Variants in ANAPC1 observed in about 807,000 individuals in gnomAD.
ANAPC1 encodes the protein anaphase promoting complex subunit 1.
In ANAPC1, 36 loss-of-function variants were observed where a neutral mutation model predicts 208.0. The ratio of observed to expected loss-of-function variants is 0.17; its 90% confidence interval spans 0.13 to 0.23. ANAPC1 has a LOEUF of 0.23. ANAPC1 is among the 10% of genes least tolerant of loss of function. The pLI is 1.00. For synonymous variants in ANAPC1, 378 were observed against 695.2 expected (o/e 0.54, Z 7.18); for missense variants, 942 against 2,011.6 (o/e 0.47, Z 10.17).
intron 4 of ANAPC1, 23 bp from the exon 5 acceptor site, chr2:111,873,431 G>C (rs776994784): frequency 6.3e-7 from 1 of 1,598,938 alleles, no homozygotes; most frequent in Admixed American, 1.8e-5. Flanking sequence ...GGTACAACAA[G>C]ACTTATGTGT....
At chr2:111,788,188 G>C in intron 39 of ANAPC1, 46 bp downstream of exon 39, 5 of 1,596,334 alleles carry the variant, frequency 3.1e-6, no homozygotes, top group Admixed American at 1.7e-5. Context: ...GATCCCCTTA[G>C]AGAACTTAAT....
chr2:111,881,664 A>C (rs1473994244), intron 1 of ANAPC1, among the ~76,000 whole-genome samples: 4 of 152,246 alleles, frequency 2.6e-5, no homozygotes, highest in Non-Finnish European at 5.9e-5. Flanking sequence ...ACAGATAAGC[A>C]TAATTAGATT....
At chr2:111,844,617 T>C (rs1680953496) in intron 16 of ANAPC1, among the ~76,000 whole-genome samples, 4 of 151,400 alleles carry the variant, frequency 2.6e-5, no homozygotes, top group Admixed American at 6.6e-5. Flanking sequence ...CTTCTATGTT[T>C]ATACATTTAT....
intron 6 of ANAPC1, among the ~76,000 whole-genome samples, 198 bp from the exon 7 acceptor site, chr2:111,868,294 G>A (rs1262575239): frequency 1.3e-5 from 2 of 152,132 alleles, no homozygotes; most frequent in Non-Finnish European, 2.9e-5. Context: ...TCCCCTTAGA[G>A]TAATTCTATC....
At chr2:111,825,951 A>T (rs1573402513) in intron 21 of ANAPC1, 96 bp from the exon 22 acceptor site, 2 of 1,173,374 alleles carry the variant, frequency 1.7e-6, no homozygotes, top group South Asian at 3.2e-5. Context: ...ATCACAGCTC[A>T]CTGCAGCCTC....
chr2:111,772,743 C>G, intron 46 of ANAPC1, among the ~76,000 whole-genome samples: 1 of 152,144 alleles, frequency 6.6e-6, no homozygotes, highest in East Asian at 1.9e-4. Flanking sequence ...TATAAAGGTG[C>G]AGTGGTCACT....
At chr2:111,880,963 T>G (rs1352439147) in intron 1 of ANAPC1, 114 bp from the exon 2 acceptor site, 2 of 957,456 alleles carry the variant, frequency 2.1e-6, no homozygotes, top group South Asian at 1.7e-5. Context: ...TATATCAGAC[T>G]GGTAAGTATA....
At position 111,864,821 on chromosome 2, in the gene ANAPC1, C is replaced by A. The variant is rs1434543989; in HGVS notation, c.816G>T (p.Arg272=). ...TTCTCCTTACCTCTGATTTGACTCTCCGGAGAGTCCACACAGAATGCACAT... is the reference window on the plus strand; with the variant it reads ...TTCTCCTTACCTCTGATTTGACTCTACGGAGAGTCCACACAGAATGCACAT... ...VQNVHSVWTL[R]RVKSEEENVV... Residue 272 remains arginine (R), a synonymous_variant, in exon 8 of 48, where the codon CGG becomes CGT. Transcript: ENST00000341068. 6.2e-7 allele frequency: 1 copy of A among 1,611,208 alleles called. No individual in the cohort carries two copies. Among genetic ancestry groups the A allele is most frequent in the Non-Finnish European group, 8.5e-7 (1 of 1,179,632 alleles).
chr2:111,798,751 C>T (rs1678285029), intron 34 of ANAPC1, among the ~76,000 whole-genome samples: 1 of 152,150 alleles, frequency 6.6e-6, no homozygotes, highest in Non-Finnish European at 1.5e-5. Flanking sequence ...AGAAATCTGA[C>T]AGGCCAGGCG....
At position 111,772,395 on chromosome 2, in the gene ANAPC1, G is replaced by C. The variant is rs1332002633; in HGVS notation, c.5665C>G (p.Leu1889Val). The C allele has an allele frequency of 6.2e-7, 1 of 1,607,844 alleles. No homozygotes were observed. The change falls in exon 47 of 48, where the codon CTC (leucine) becomes GTC (valine). Residue 1889 changes from leucine (L) to valine (V), a missense_variant. Coordinates refer to ENST00000341068, the MANE Select transcript of ANAPC1 (RefSeq NM_022662.4). ...GGAGCTGGCACAGAGTGGTAGACGA[G>C]GAAGCAGGCCAGCATGCTCAGCTGT... The part of the protein sequence containing the change: ...ESQLSMLACF[L>V]VYHSVPAPQH...
intron 46 of ANAPC1, among the ~76,000 whole-genome samples, chr2:111,776,226 T>C (rs1676999724): frequency 1.3e-5 from 2 of 151,892 alleles, no homozygotes; most frequent in Admixed American, 6.6e-5. Context: ...TCAAGGAGTC[T>C]ACTCCTGAAA....
chr2:111,785,531 T>G, intron 39 of ANAPC1, 54 bp from the exon 40 acceptor site: 2 of 1,151,336 alleles, frequency 1.7e-6, no homozygotes, highest in Non-Finnish European at 2.6e-6. Context: ...CAATATGAGC[T>G]CTGCAATCTG....
chr2:111,852,954 C>T (rs1239989018), intron 13 of ANAPC1, among the ~76,000 whole-genome samples: 1 of 151,752 alleles, frequency 6.6e-6, no homozygotes, highest in Non-Finnish European at 1.5e-5. Flanking sequence ...CACCACTGCA[C>T]TCCAGCCTGA....
intron 6 of ANAPC1, among the ~76,000 whole-genome samples, chr2:111,869,304 T>C (rs1397294147): frequency 6.6e-6 from 1 of 152,034 alleles, no homozygotes; most frequent in Non-Finnish European, 1.5e-5. Flanking sequence ...AGTGCAGTGA[T>C]GTGATCTCGG....
At position 111,863,656 on chromosome 2, in the gene ANAPC1, A is replaced by T. The variant is rs1283474533; in HGVS notation, c.1052+19T>A. Reference sequence around the variant, plus strand: ...ACAAAACAGAAAGCTTAGAAAGAAAAACCAGGAAACCCTTATACCTTAGAG... The same window carrying T: ...ACAAAACAGAAAGCTTAGAAAGAAATACCAGGAAACCCTTATACCTTAGAG... On this transcript the variant is annotated intron_variant, in intron 9 of 47. Transcript: ENST00000341068. The T allele has an allele frequency of 6.3e-7, 1 of 1,599,404 alleles. No individual in the cohort carries two copies. The highest frequency in any genetic ancestry group is 8.5e-7 in the Non-Finnish European group (1 of 1,173,264).
At chr2:111,783,341 C>T (rs1677382959) in intron 42 of ANAPC1, among the ~76,000 whole-genome samples, 1 of 152,112 alleles carries the variant, frequency 6.6e-6, no homozygotes, top group Admixed American at 6.5e-5. Flanking sequence ...GGCAGATTTC[C>T]CTCATGCTGT....
Position 111,792,469 on chromosome 2 carries a change from A to C in ANAPC1, c.4605T>G (p.Val1535=). 1.2e-6 allele frequency: 2 copies of C among 1,613,724 alleles called. No homozygotes were observed. Among genetic ancestry groups the C allele is most frequent in the South Asian group, 2.2e-5 (2 of 91,036 alleles). The part of the protein sequence containing the change: ...MVMAGSGNLK[V]LQLCRFLHMK... Reference sequence around the variant, plus strand: ...TGTGTAAGAAGCGACAAAGCTGCAAAACCTTTAGGTTTCCTGAGCCAGCCA... The same window carrying C: ...TGTGTAAGAAGCGACAAAGCTGCAACACCTTTAGGTTTCCTGAGCCAGCCA... Residue 1535 remains valine, a synonymous_variant, in exon 38 of 48, where the codon GTT becomes GTG. Coordinates refer to ENST00000341068, the MANE Select transcript of ANAPC1 (RefSeq NM_022662.4).
rs550824866 is a variant in ANAPC1, at chr2:111,794,560, A to G, written c.4374-237T>C. ...ATATGCAGCAAAAACAATTTTTAAAATTGTTGCCAATTTCTTTAATGGAAA... is the reference window on the plus strand; with the variant it reads ...ATATGCAGCAAAAACAATTTTTAAAGTTGTTGCCAATTTCTTTAATGGAAA... On this transcript the variant is annotated intron_variant, in intron 35 of 47. Coordinates refer to ENST00000341068, the MANE Select transcript of ANAPC1 (RefSeq NM_022662.4). Among the ~76,000 whole-genome samples, 461 of 152,268 alleles carry G rather than the reference A, an allele frequency of 3.0e-3. 1 individual carries two copies. Among genetic ancestry groups the G allele is most frequent in the African/African-American group, 0.01 (436 of 41,530 alleles).
At chr2:111,836,895 G>A (rs989629971) in intron 18 of ANAPC1, among the ~76,000 whole-genome samples, 1 of 151,426 alleles carries the variant, frequency 6.6e-6, no homozygotes, top group Non-Finnish European at 1.5e-5. Flanking sequence ...CTGAACTCGG[G>A]AGTCAGAGGT....
Sources: allele counts gnomAD v4.1 joint callset (sites outside exome capture counted in the v4.1 genomes callset), GRCh38; gene constraint gnomAD v4.1.1; transcripts MANE v1.5; gene names NCBI Gene and HGNC (gene_info 2026-07-23, HGNC 2026-07-21).